The following GSTCD variants were observed in gnomAD, a reference collection of about 807,000 sequenced individuals.
GSTCD encodes glutathione S-transferase C-terminal domain-containing protein.
GSTCD carries 44 observed loss-of-function variants against 68.3 expected under a neutral mutation model. That is an observed-to-expected ratio of 0.64 (90% CI 0.51 to 0.83). GSTCD has a LOEUF of 0.83. Among genes scored for constraint, GSTCD ranks in the 40% least tolerant of loss-of-function variants. The pLI, the probability that GSTCD is intolerant of heterozygous loss-of-function variation, is 0.00. For missense variants in GSTCD, 739 were observed against 735.9 expected (o/e 1.00, Z -0.05); for synonymous variants, 273 against 255.2 (o/e 1.07, Z -0.67).
chr4:105,844,580 A>G (rs1346832395), intron 11 of GSTCD, among the ~76,000 whole-genome samples: 9 of 152,118 alleles, frequency 5.9e-5, no homozygotes, highest in East Asian at 1.9e-4. Context: ...CTGTCATTCA[A>G]TGTTTAGCCA....
intron 5 of GSTCD, among the ~76,000 whole-genome samples, chr4:105,732,311 C>T (rs1005461815): frequency 1.1e-4 from 16 of 152,134 alleles, no homozygotes; most frequent in African/African-American, 1.9e-4. Flanking sequence ...GCTGTGAATC[C>T]GTCTGGTCCT....
At chr4:105,779,938 G>A (rs1444887459) in intron 5 of GSTCD, among the ~76,000 whole-genome samples, 1 of 152,136 alleles carries the variant, frequency 6.6e-6, no homozygotes, top group Non-Finnish European at 1.5e-5. Flanking sequence ...AAAGATATAT[G>A]ATACTCAGAT....
chr4:105,731,953 T>A (rs1166536805), intron 5 of GSTCD, among the ~76,000 whole-genome samples: 8 of 152,226 alleles, frequency 5.3e-5, no homozygotes, highest in Admixed American at 5.2e-4. Flanking sequence ...GAGATAATCA[T>A]GTGGTTTTTG....
chr4:105,739,706 G>C (rs899782426), intron 5 of GSTCD, among the ~76,000 whole-genome samples: 1 of 152,192 alleles, frequency 6.6e-6, no homozygotes, highest in Non-Finnish European at 1.5e-5. Flanking sequence ...ATTTACCTGG[G>C]ATGTCTTGTG....
At chr4:105,804,515 T>G (rs1736255957) in intron 5 of GSTCD, among the ~76,000 whole-genome samples, 1 of 152,118 alleles carries the variant, frequency 6.6e-6, no homozygotes, top group Non-Finnish European at 1.5e-5. Context: ...ATTGTAGAAA[T>G]TTCTGTTAAA....
rs139772459 is a variant in GSTCD at position 105,792,417 on chromosome 4, G to C, written c.1241-30537G>C. On this transcript the variant is annotated intron_variant, in intron 5 of 11. Coordinates refer to ENST00000515279, the MANE Select transcript of GSTCD (RefSeq NM_001370181.1). ...AGGCTCAGATTCTTCTTTGTAAGCTGGGAGGAAGAAAAACAAGCCATGAGC... is the reference window on the plus strand; with the variant it reads ...AGGCTCAGATTCTTCTTTGTAAGCTCGGAGGAAGAAAAACAAGCCATGAGC... Among the ~76,000 whole-genome samples, 799 of 152,128 alleles carry C rather than the reference G, an allele frequency of 5.3e-3. 16 individuals are homozygous for C. In the East Asian group the frequency reaches 0.06, roughly 11 times the overall value.
intron 5 of GSTCD, among the ~76,000 whole-genome samples, chr4:105,740,869 A>G (rs986764093): frequency 2.0e-5 from 3 of 152,030 alleles, no homozygotes; most frequent in Non-Finnish European, 4.4e-5. Flanking sequence ...GTGTCAGTTC[A>G]AGACTATTAC....
At chr4:105,727,547 T>C (rs1733083232) in intron 4 of GSTCD, among the ~76,000 whole-genome samples, 1 of 151,680 alleles carries the variant, frequency 6.6e-6, no homozygotes. Context: ...AAAAGAAATA[T>C]AAAGATTAAT....
chr4:105,783,221 CA>C (rs1735346402), intron 5 of GSTCD, among the ~76,000 whole-genome samples: 1 of 152,180 alleles, frequency 6.6e-6, no homozygotes, highest in African/African-American at 2.4e-5. Context: ...TTAGAACAAA[CA>C]GCTTTCTGAA....
chr4:105,780,209 C>G (rs2149248910), intron 5 of GSTCD, among the ~76,000 whole-genome samples: 1 of 152,302 alleles, frequency 6.6e-6, no homozygotes, highest in South Asian at 2.1e-4. Context: ...TTGCCTATGA[C>G]TTATTACCAG....
In GSTCD at chr4:105,834,505, G is replaced by A. The variant is rs1479098389; in HGVS notation, c.1575G>A (p.Glu525=). 6.2e-7 allele frequency: 1 copy of A among 1,613,952 alleles called. No individual in the cohort carries two copies. Among genetic ancestry groups the A allele is most frequent in the African/African-American group, 1.3e-5 (1 of 74,922 alleles). The change falls in exon 9 of 12, where the codon GAG becomes GAA. Residue 525 remains glutamate (E), a synonymous_variant. Transcript: ENST00000515279. ...GAGTGGCAACAGACATGGTGATTGA[G>A]CACTGTATCAAAACACGGGCTTCCT... The part of the protein sequence containing the change: ...ACGVATDMVI[E]HCIKTRASFV...
rs566984297 is a variant in GSTCD at position 105,726,438 on chromosome 4, G to T, written c.895-141G>T. 3.7e-4 allele frequency: 217 copies of T among 592,368 alleles called. 3 individuals are homozygous for T. In the South Asian group the frequency reaches 5.3e-3, roughly 15 times the overall value. The allele number at this position is 592,368 out of a possible 1,614,324, so 36.7% of individuals were successfully genotyped here. A position where few individuals can be genotyped will look rare whatever the true frequency, so the allele number is the denominator to read the frequency against. ...GTAAGTGTTCTAAAACTAGATGGTT[G>T]ATAACTGGATACATTTACTACAACT... On this transcript the variant is annotated intron_variant, in intron 3 of 11. Transcript: ENST00000515279.
At chr4:105,767,940 TC>T (rs1158102034) in intron 5 of GSTCD, among the ~76,000 whole-genome samples, 17 of 152,166 alleles carry the variant, frequency 1.1e-4, no homozygotes, top group Admixed American at 3.9e-4. Flanking sequence ...GTGTTTTTTT[TC>T]ATGAAAGAAT....
intron 5 of GSTCD, among the ~76,000 whole-genome samples, chr4:105,733,981 A>G (rs905789261): frequency 1.3e-5 from 2 of 152,178 alleles, no homozygotes; most frequent in Non-Finnish European, 2.9e-5. Context: ...TCTGGGTTGA[A>G]AATTCTTTTC....
intron 5 of GSTCD, among the ~76,000 whole-genome samples, chr4:105,741,100 A>C (rs1733617000): frequency 6.6e-6 from 1 of 152,142 alleles, no homozygotes; most frequent in Admixed American, 6.5e-5. Flanking sequence ...TATAATTCTT[A>C]ATTTTTAATC....
At chr4:105,719,933 G>A (rs1732808234) in intron 3 of GSTCD, among the ~76,000 whole-genome samples, 1 of 151,788 alleles carries the variant, frequency 6.6e-6, no homozygotes, top group Non-Finnish European at 1.5e-5. Context: ...TACTATTAGA[G>A]GGTGCAGTTA....
rs1460026786 is a variant in GSTCD, at chr4:105,834,606, A to G, written c.1664+12A>G. The G allele has an allele frequency of 6.2e-7, 1 of 1,613,362 alleles. No homozygotes were observed. The highest frequency in any genetic ancestry group is 2.2e-5 in the East Asian group (1 of 44,864). ...AATTTTCCAAAAAGGTGAGAAATTC[A>G]GTGTTCTACATAAGACACCAACATG... On this transcript the variant is annotated intron_variant, in intron 9 of 11. Coordinates refer to ENST00000515279, the MANE Select transcript of GSTCD (RefSeq NM_001370181.1).
intron 5 of GSTCD, among the ~76,000 whole-genome samples, chr4:105,755,478 T>C (rs1234269916): frequency 6.6e-6 from 1 of 152,138 alleles, no homozygotes; most frequent in Non-Finnish European, 1.5e-5. Context: ...CAAAGTGTTT[T>C]TCATACTCTA....
chr4:105,766,802 A>T (rs17036189), intron 5 of GSTCD, among the ~76,000 whole-genome samples: 8,122 of 147,732 alleles, frequency 0.055, 250 homozygotes, highest in Middle Eastern at 0.14. Context: ...ATGGAAAGAT[A>T]GTTTCTCCTA....
Sources: gnomAD v4.1 joint callset for allele counts (sites outside exome capture counted in the v4.1 genomes callset) on GRCh38, gnomAD v4.1.1 for gene constraint, MANE v1.5 for transcripts, NCBI Gene and HGNC (gene_info 2026-07-23, HGNC 2026-07-21) for gene names.